The following CAMK1D variants were observed in gnomAD, a reference collection of about 807,000 sequenced individuals.
CAMK1D encodes calcium/calmodulin-dependent protein kinase type 1D.
In CAMK1D, 9 loss-of-function variants were observed where a neutral mutation model predicts 47.7. The observed-to-expected ratio is 0.19, with a 90% confidence interval of 0.11 to 0.33. CAMK1D has a LOEUF of 0.33. Among genes scored for constraint, CAMK1D ranks in the 10% least tolerant of loss-of-function variants. The pLI is 1.00. For missense variants in CAMK1D, 291 were observed against 488.7 expected, an observed-to-expected ratio of 0.60 and a Z score of 3.81; for synonymous variants, 184 against 184.9, an observed-to-expected ratio of 0.99 and a Z score of 0.04.
At chr10:12,695,417 C>T (rs1833247850) in intron 3 of CAMK1D, among the ~76,000 whole-genome samples, 1 of 152,200 alleles carries the variant, frequency 6.6e-6, no homozygotes, top group South Asian at 2.1e-4. Context: ...GCGTGCCCTT[C>T]ATAGGCCAGC....
At chr10:12,732,665 C>T (rs1329060778) in intron 3 of CAMK1D, among the ~76,000 whole-genome samples, 1 of 110,030 alleles carries the variant, frequency 9.1e-6, no homozygotes, top group Non-Finnish European at 1.7e-5. Flanking sequence ...TATTCAATTA[C>T]CCCCGCCCCC....
intron 3 of CAMK1D, among the ~76,000 whole-genome samples, chr10:12,683,335 C>G (rs556878351): frequency 1.3e-5 from 2 of 152,190 alleles, no homozygotes; most frequent in East Asian, 3.9e-4. Flanking sequence ...ATTCGCCCTC[C>G]TTGGTCTCCC....
chr10:12,753,175 C>A (rs1302104102), intron 3 of CAMK1D, among the ~76,000 whole-genome samples: 8 of 152,184 alleles, frequency 5.3e-5, no homozygotes, highest in Non-Finnish European at 1.0e-4. Context: ...TCACTTGAAC[C>A]TGGGAGGCAG....
intron 1 of CAMK1D, among the ~76,000 whole-genome samples, chr10:12,537,358 C>T (rs1363121545): frequency 1.3e-5 from 2 of 152,200 alleles, no homozygotes; most frequent in Non-Finnish European, 2.9e-5. Flanking sequence ...AGAAGTGAAC[C>T]ACCGCACCCA....
rs148047520 is a variant in CAMK1D at position 12,399,786 on chromosome 10, T to C, written c.92+49876T>C. ...CCAAGCATAGTTCAGAAGTGTCTAGTGTTCCTAAGTGTGGAAAGGCTGTAA... is the reference window on the plus strand; with the variant it reads ...CCAAGCATAGTTCAGAAGTGTCTAGCGTTCCTAAGTGTGGAAAGGCTGTAA... On this transcript the variant is annotated intron_variant, in intron 1 of 10. Transcript: ENST00000619168. Among the ~76,000 whole-genome samples, 1,500 of 152,314 alleles carry C rather than the reference T, an allele frequency of 9.8e-3. 22 individuals carry two copies. The highest frequency in any genetic ancestry group is 0.035 in the African/African-American group (1,439 of 41,556).
chr10:12,787,960 G>A lies in CAMK1D; in HGVS notation c.566-3198G>A, dbSNP rs148510414. On this transcript the variant is annotated intron_variant, in intron 5 of 10. Transcript: ENST00000619168. Reference sequence around the variant, plus strand: ...GGTTGCAGTGAGCTGAGATTGTGCCGCTGCACTCCATCTCCAAAAAAAAAA... The same window carrying A: ...GGTTGCAGTGAGCTGAGATTGTGCCACTGCACTCCATCTCCAAAAAAAAAA... Among the ~76,000 whole-genome samples, 494 of 152,112 alleles carry A rather than the reference G, an allele frequency of 3.2e-3. 7 individuals carry two copies. In the East Asian group the frequency reaches 0.05, roughly 15 times the overall value.
intron 1 of CAMK1D, among the ~76,000 whole-genome samples, chr10:12,402,526 GTTT>G (rs1839266735): frequency 6.6e-6 from 1 of 152,174 alleles, no homozygotes; most frequent in Non-Finnish European, 1.5e-5. Flanking sequence ...TAGTCATTTG[GTTT>G]TTATCCTGTC....
intron 1 of CAMK1D, among the ~76,000 whole-genome samples, chr10:12,471,453 T>G (rs1833744522): frequency 6.6e-6 from 1 of 152,164 alleles, no homozygotes; most frequent in Non-Finnish European, 1.5e-5. Flanking sequence ...TGTGTACACA[T>G]CAGGTGACCA....
At chr10:12,380,195 A>G (rs958371419) in intron 1 of CAMK1D, among the ~76,000 whole-genome samples, 2 of 152,130 alleles carry the variant, frequency 1.3e-5, no homozygotes, top group Non-Finnish European at 2.9e-5. Flanking sequence ...AGCCTGGGTG[A>G]CAGAGCGAGA....
intron 1 of CAMK1D, among the ~76,000 whole-genome samples, chr10:12,451,498 G>C (rs1447742845): frequency 6.6e-6 from 1 of 152,204 alleles, no homozygotes; most frequent in African/African-American, 2.4e-5. Flanking sequence ...GGCTCCATTT[G>C]AGGATTTCCA....
intron 3 of CAMK1D, among the ~76,000 whole-genome samples, chr10:12,710,856 A>G (rs1833910802): frequency 6.6e-6 from 1 of 152,198 alleles, no homozygotes; most frequent in Non-Finnish European, 1.5e-5. Context: ...AGTGTACACC[A>G]GGGTATATAA....
chr10:12,452,931 A>G (rs1476536926), intron 1 of CAMK1D, among the ~76,000 whole-genome samples: 1 of 152,072 alleles, frequency 6.6e-6, no homozygotes, highest in Non-Finnish European at 1.5e-5. Context: ...TTGTGCAGCC[A>G]TCGCCACCAT....
rs372332198 is a variant in CAMK1D at position 12,520,996 on chromosome 10, G to T, written c.93-32229G>T. On this transcript the variant is annotated intron_variant, in intron 1 of 10. Coordinates refer to ENST00000619168, the MANE Select transcript of CAMK1D (RefSeq NM_153498.4). Reference sequence around the variant, plus strand: ...AGAGCTTTATTCATTCTTAAGATTGGTAATTTGTGTTCTCTTTTTAAAATC... The same window carrying T: ...AGAGCTTTATTCATTCTTAAGATTGTTAATTTGTGTTCTCTTTTTAAAATC... 1.6e-4 allele frequency among the ~76,000 whole-genome samples: 23 copies of T among 147,760 alleles called. No individual in the cohort carries two copies. The East Asian group carries it at 3.8e-3, about 24-fold the overall frequency.
At chr10:12,827,464 G>GTCTTTCTTTCTT (rs1564594078) in intron 10 of CAMK1D, among the ~76,000 whole-genome samples, 90 of 6,006 alleles carry the variant, frequency 0.015, 33 homozygotes, top group African/African-American at 0.026. Context: ...TTCTTTCTTT[G>GTCTTTCTTTCTT]TCTGTCTGTC....
chr10:12,670,226 G>T (rs1840570830), intron 3 of CAMK1D, among the ~76,000 whole-genome samples: 2 of 151,050 alleles, frequency 1.3e-5, no homozygotes, highest in African/African-American at 4.9e-5. Context: ...TTCTAATGGG[G>T]TGTAGTGATA....
intron 6 of CAMK1D, among the ~76,000 whole-genome samples, chr10:12,803,421 C>T (rs1838570087): frequency 6.6e-6 from 1 of 152,194 alleles, no homozygotes; most frequent in African/African-American, 2.4e-5. Context: ...GTGGCTCACA[C>T]CTGTAATCCC....
At chr10:12,387,373 A>G (rs375959963) in intron 1 of CAMK1D, among the ~76,000 whole-genome samples, 2 of 34,384 alleles carry the variant, frequency 5.8e-5, no homozygotes, top group Non-Finnish European at 2.0e-4. Context: ...TAATATATAT[A>G]TTATATATTA....
chr10:12,488,283 T>TC (rs1467784319), intron 1 of CAMK1D, among the ~76,000 whole-genome samples: 2 of 152,254 alleles, frequency 1.3e-5, no homozygotes, highest in Non-Finnish European at 2.9e-5. Context: ...ACTCAGTGCT[T>TC]CCCCTGTGCA....
chr10:12,755,321 G>A (rs541833140), intron 3 of CAMK1D, among the ~76,000 whole-genome samples: 7 of 152,174 alleles, frequency 4.6e-5, no homozygotes, highest in Non-Finnish European at 1.0e-4. Flanking sequence ...ATGGACAGCT[G>A]CGTTTTGTGG....
Sources: gnomAD v4.1 joint callset for allele counts (sites outside exome capture counted in the v4.1 genomes callset) on GRCh38, gnomAD v4.1.1 for gene constraint, MANE v1.5 for transcripts, NCBI Gene and HGNC (gene_info 2026-07-23, HGNC 2026-07-21) for gene names.